The following ERI1 variants were observed in gnomAD, a reference collection of about 807,000 sequenced individuals.
ERI1 encodes exoribonuclease 1, also known as 3'-5' exoribonuclease 1.
In ERI1, 39 loss-of-function variants were observed where a neutral mutation model predicts 39.7. The observed-to-expected ratio is 0.98, with a 90% CI of 0.76 to 1.28. The LOEUF is 1.28. Among genes scored for constraint, ERI1 ranks in the 50% most tolerant of loss-of-function variants. The pLI is 0.00. For synonymous variants in ERI1, 204 were observed against 149.6 expected (o/e 1.36, Z -2.65); for missense variants, 581 against 416.9 (o/e 1.39, Z -3.43).
intron 3 of ERI1, among the ~76,000 whole-genome samples, chr8:9,049,328 T>A (rs1320303481): frequency 1.4e-5 from 1 of 71,766 alleles, no homozygotes; most frequent in Non-Finnish European, 2.5e-5. Flanking sequence ...AGAGTGAGAC[T>A]CCGTCTCCAA....
rs148382012 is a variant in ERI1, at chr8:9,040,614, C to G, written n.299+20150C>G. Among the ~76,000 whole-genome samples, 184 of 152,242 alleles carry G rather than the reference C, an allele frequency of 1.2e-3. 2 individuals are homozygous for G. The highest frequency in any genetic ancestry group is 7.9e-3 in the East Asian group (41 of 5,188). On this transcript the variant is annotated intron_variant and non_coding_transcript_variant, in intron 3 of 3. Coordinates refer to the ERI1 transcript ENST00000518663. Reference sequence around the variant, plus strand: ...TGCTGAGGCACCCCTTAGAAGGTTTCAAGGTGGCCCTAGGGTTAGACATAT... The same window carrying G: ...TGCTGAGGCACCCCTTAGAAGGTTTGAAGGTGGCCCTAGGGTTAGACATAT...
intron 3 of ERI1, among the ~76,000 whole-genome samples, chr8:9,063,212 C>G (rs535281108): frequency 3.9e-4 from 60 of 152,218 alleles, no homozygotes; most frequent in African/African-American, 1.3e-3. Context: ...CTTTTAGGGT[C>G]TAGGGCTGTA....
chr8:9,070,505 C>A, intron 3 of ERI1, among the ~76,000 whole-genome samples: 1 of 152,048 alleles, frequency 6.6e-6, no homozygotes, highest in East Asian at 1.9e-4. Flanking sequence ...ACAAAAAGGA[C>A]TCTAAAGATA....
intron 3 of ERI1, among the ~76,000 whole-genome samples, chr8:9,081,564 C>T (rs1799366881): frequency 6.6e-6 from 1 of 152,172 alleles, no homozygotes; most frequent in Non-Finnish European, 1.5e-5. Flanking sequence ...TCCCTCTTCC[C>T]CTCTGCTACC....
At chr8:9,022,810 G>T (rs1477930174) in intron 6 of ERI1, among the ~76,000 whole-genome samples, 2 of 152,146 alleles carry the variant, frequency 1.3e-5, no homozygotes, top group African/African-American at 4.8e-5. Flanking sequence ...TCATGACCCA[G>T]GTTCAACAAT....
At chr8:9,093,867 A>G (rs1296150306) in intron 3 of ERI1, among the ~76,000 whole-genome samples, 1 of 152,212 alleles carries the variant, frequency 6.6e-6, no homozygotes, top group African/African-American at 2.4e-5. Flanking sequence ...GTGAGCCATC[A>G]TGCCTGGCCA....
At position 9,011,594 on chromosome 8, in the gene ERI1, A is replaced by T; in HGVS notation, c.340A>T (p.Lys114Ter). The T allele has an allele frequency of 6.2e-7, 1 of 1,613,494 alleles. No individual in the cohort carries two copies. The highest frequency in any genetic ancestry group is 8.5e-7 in the Non-Finnish European group (1 of 1,179,640). ...KRLKNYYKKQ[K>*]LMLKESNFAD... is the part of the protein sequence containing the mutation. Reference sequence around the variant, plus strand: ...ACTGAAAAACTATTATAAGAAGCAGAAGCTGATGCTGAAAGAGAGCAATTT... The same window carrying T: ...ACTGAAAAACTATTATAAGAAGCAGTAGCTGATGCTGAAAGAGAGCAATTT... The change falls in exon 3 of 7, where the codon AAG (lysine) becomes TAG (stop). Residue 114 changes from lysine to a stop codon, truncating the protein, a stop_gained. Coordinates refer to ENST00000250263, the MANE Select transcript of ERI1 (RefSeq NM_153332.4). LOFTEE classifies it high-confidence loss of function.
chr8:9,048,736 C>T (rs376920490), intron 3 of ERI1, among the ~76,000 whole-genome samples: 1 of 152,134 alleles, frequency 6.6e-6, no homozygotes, highest in African/African-American at 2.4e-5. Context: ...CCTCAATCTC[C>T]CTAGCTCAGG....
At chr8:9,025,703 TGTGTG>T (rs981282630) in intron 6 of ERI1, among the ~76,000 whole-genome samples, 50 of 134,808 alleles carry the variant, frequency 3.7e-4, no homozygotes, top group African/African-American at 1.1e-3. Flanking sequence ...CTTTTTTTTT[TGTGTG>T]TGTGTGTGTG....
chr8:9,099,517 C>G (rs1460314793), intron 3 of ERI1, among the ~76,000 whole-genome samples: 1 of 151,286 alleles, frequency 6.6e-6, no homozygotes, highest in African/African-American at 2.4e-5. Flanking sequence ...ATCAGTTGAG[C>G]CTGGGAGGTC....
intron 6 of ERI1, among the ~76,000 whole-genome samples, chr8:9,025,244 C>T (rs1220938422): frequency 6.6e-6 from 1 of 152,184 alleles, no homozygotes. Flanking sequence ...TTGAGACTTT[C>T]CAATAGCTTT....
rs1207355216 is a variant in ERI1 at position 9,042,253 on chromosome 8, C to A, written n.299+21789C>A. 2.6e-5 allele frequency among the ~76,000 whole-genome samples: 4 copies of A among 152,160 alleles called. No homozygotes were observed. In the South Asian group the frequency reaches 6.2e-4, roughly 24 times the overall value. ...CAGCGTATGTTTTGTACGCTGTGTC[C>A]TTGGTCCTCCCTTTGCGATAATTTC... On this transcript the variant is annotated intron_variant and non_coding_transcript_variant, in intron 3 of 3. Coordinates refer to the ERI1 transcript ENST00000518663.
At chr8:9,090,798 A>G (rs1304519619) in intron 3 of ERI1, among the ~76,000 whole-genome samples, 1 of 152,198 alleles carries the variant, frequency 6.6e-6, no homozygotes, top group Admixed American at 6.5e-5. Context: ...ACACAATAAA[A>G]CAATGAACTT....
chr8:9,043,137 A>G (rs1364913448), intron 3 of ERI1, among the ~76,000 whole-genome samples: 1 of 152,176 alleles, frequency 6.6e-6, no homozygotes, highest in Non-Finnish European at 1.5e-5. Context: ...ATTCGGATTT[A>G]TTTTTAAGGT....
At chr8:9,019,942 A>T (rs376609336) in intron 5 of ERI1, among the ~76,000 whole-genome samples, 1 of 152,184 alleles carries the variant, frequency 6.6e-6, no homozygotes, top group East Asian at 1.9e-4. Context: ...AGCAGAACAG[A>T]TTGTATTTTA....
rs75304558 is a variant in ERI1 at position 9,015,518 on chromosome 8, C to G, written c.499-804C>G. Among the ~76,000 whole-genome samples, 1,076 of 151,850 alleles carry G rather than the reference C, an allele frequency of 7.1e-3. 7 individuals carry two copies. Among genetic ancestry groups the G allele is most frequent in the African/African-American group, 0.024 (987 of 41,376 alleles). On this transcript the variant is annotated intron_variant, in intron 3 of 6. Coordinates refer to ENST00000250263, the MANE Select transcript of ERI1 (RefSeq NM_153332.4). ...AAATAAGACCATCGTGTCAGGAGAT[C>G]GAGACCATCCTGGCTAACATGGTGA...
rs145149472 is a variant in ERI1, at chr8:9,097,272, C to T, written n.300-19076C>T. On this transcript the variant is annotated intron_variant and non_coding_transcript_variant, in intron 3 of 3. Coordinates refer to the ERI1 transcript ENST00000518663. ...TTTTCATGATTTTCTGTTTTTTATT[C>T]ACTCATTAACAGTCGAGTGTTTTTG... Among the ~76,000 whole-genome samples, 512 of 152,128 alleles carry T rather than the reference C, an allele frequency of 3.4e-3. 6 individuals carry two copies. Among genetic ancestry groups the T allele is most frequent in the African/African-American group, 0.012 (488 of 41,506 alleles).
downstream of ERI1, among the ~76,000 whole-genome samples, chr8:9,035,580 A>G (rs1461415382): frequency 6.6e-6 from 1 of 152,210 alleles, no homozygotes; most frequent in African/African-American, 2.4e-5. Context: ...AATCTGTTCA[A>G]AATATGACTG....
At position 9,056,310 on chromosome 8, in the gene ERI1, A is replaced by G. The variant is rs527439420; in HGVS notation, n.299+35846A>G. Among the ~76,000 whole-genome samples the G allele has an allele frequency of 1.2e-4, 18 of 152,278 alleles. No homozygotes were observed. In the South Asian group the frequency reaches 3.3e-3, roughly 28 times the overall value. Reference sequence around the variant, plus strand: ...CTGTCCTGCTCCTACCTCTGTTGTGATTTGACCTGCCTTTTCCCCTTATCT... The same window carrying G: ...CTGTCCTGCTCCTACCTCTGTTGTGGTTTGACCTGCCTTTTCCCCTTATCT... On this transcript the variant is annotated intron_variant and non_coding_transcript_variant, in intron 3 of 3. Coordinates refer to the ERI1 transcript ENST00000518663.
Sources: allele counts gnomAD v4.1 joint callset (sites outside exome capture counted in the v4.1 genomes callset), GRCh38; gene constraint gnomAD v4.1.1; transcripts MANE v1.5; gene names NCBI Gene and HGNC (gene_info 2026-07-23, HGNC 2026-07-21).